The following TTLL8 variants were observed in gnomAD, a reference collection of about 807,000 sequenced individuals.
TTLL8 encodes the protein tubulin tyrosine ligase like 8, also known as protein monoglycylase TTLL8.
In TTLL8, 65 loss-of-function variants were observed where a neutral mutation model predicts 77.8. The observed-to-expected ratio is 0.84, with a 90% CI of 0.68 to 1.03. The LOEUF (loss-of-function observed/expected upper bound fraction) is 1.03, where lower values mean the gene tolerates loss of function less well. Ranked by LOEUF, TTLL8 falls within the 50% of genes least tolerant of loss-of-function variation. The pLI is 0.00. For missense variants in TTLL8, 910 were observed against 1,004.5 expected, an observed-to-expected ratio of 0.91 and a Z score of 1.27; for synonymous variants, 402 against 422.8, an observed-to-expected ratio of 0.95 and a Z score of 0.60.
intron 12 of TTLL8, among the ~76,000 whole-genome samples, chr22:50,025,147 C>G (rs1193006595): frequency 2.0e-5 from 3 of 152,030 alleles, no homozygotes; most frequent in African/African-American, 7.3e-5. Flanking sequence ...GCCTGAGAAG[C>G]TGGACACCCT....
In TTLL8 at chr22:50,034,035, A is replaced by G. The variant is rs1214234601; in HGVS notation, c.1039+310T>C. On this transcript the variant is annotated intron_variant, in intron 9 of 13. Coordinates refer to ENST00000266182, the Ensembl canonical transcript of TTLL8. The surrounding 1 kb of genome is among the most constrained non-coding windows in gnomAD (Gnocchi z 4.1). ...GCAACAAGAGTGAAACTCCGTTTCA[A>G]AAAACTAAAAATAAAATAATAAAAA... Among the ~76,000 whole-genome samples, 1 of 152,260 alleles carries G rather than the reference A, an allele frequency of 6.6e-6. No homozygotes were observed. Among genetic ancestry groups the G allele is most frequent in the African/African-American group, 2.4e-5 (1 of 41,466 alleles).
intron 3 of TTLL8, 191 bp downstream of exon 5, chr22:50,049,058 C>T (rs936981527): frequency 9.1e-6 from 7 of 773,098 alleles, no homozygotes; most frequent in African/African-American, 5.7e-5. Flanking sequence ...CATCCAGCAC[C>T]GAAGGGCTCG....
At chr22:50,052,472 A>T (rs1319701714) in intron 1 of TTLL8, among the ~76,000 whole-genome samples, 1 of 152,210 alleles carries the variant, frequency 6.6e-6, no homozygotes, top group Non-Finnish European at 1.5e-5. Context: ...GGAAAGGAAA[A>T]TTGAACCAAA....
intron 6 of TTLL8, among the ~76,000 whole-genome samples, 199 bp from the exon 9 acceptor site, chr22:50,042,006 C>T (rs137904): frequency 3.3e-5 from 5 of 152,232 alleles, no homozygotes; most frequent in Non-Finnish European, 4.4e-5. Flanking sequence ...CTGGATGTCA[C>T]GCCTGTGTCT....
chr22:50,055,893 G>C (rs1387374130), upstream of TTLL8, among the ~76,000 whole-genome samples: 1 of 152,128 alleles, frequency 6.6e-6, no homozygotes, highest in African/African-American at 2.4e-5. Flanking sequence ...GACCTACAGG[G>C]CTGCATTCCC....
chr22:50,053,858 A>G (rs2061457217), intron 1 of TTLL8, among the ~76,000 whole-genome samples: 1 of 152,094 alleles, frequency 6.6e-6, no homozygotes, highest in Non-Finnish European at 1.5e-5. Context: ...CTGACTGCCC[A>G]TATTTGTACA....
chr22:50,045,057 G>A (rs780294167), intron 6 of TTLL8, 198 bp downstream of exon 8: 242 of 337,550 alleles, frequency 7.2e-4, no homozygotes, highest in Middle Eastern at 1.5e-3. Flanking sequence ...CTTTACAAAC[G>A]GGGTGACTTT....
In TTLL8 at chr22:50,041,946, TC is replaced by T. The variant is rs1381004933; in HGVS notation, c.644-140del. Reference sequence around the variant, plus strand: ...CCCAATACCCAACAAGTATCCCAGATCCCCAGACAGGCACCCCAATACCCAA... The same window carrying T: ...CCCAATACCCAACAAGTATCCCAGATCCCAGACAGGCACCCCAATACCCAA... On this transcript the variant is annotated intron_variant, in intron 6 of 13. Transcript: ENST00000266182. The surrounding 1 kb of genome is among the most constrained non-coding windows in gnomAD (Gnocchi z 4.3). 1.3e-6 allele frequency: 1 copy of T among 755,140 alleles called. No individual in the cohort carries two copies. Among genetic ancestry groups the T allele is most frequent in the Non-Finnish European group, 1.8e-6 (1 of 549,948 alleles). The allele number at this position is 755,140 out of a possible 1,614,324, so 46.8% of individuals were successfully genotyped here.
chr22:50,023,906 G>T (rs1431689597), intron 12 of TTLL8, among the ~76,000 whole-genome samples: 1 of 151,828 alleles, frequency 6.6e-6, no homozygotes, highest in African/African-American at 2.4e-5. Context: ...TGTAATCCCA[G>T]CTACTTGGGA....
intron 12 of TTLL8, among the ~76,000 whole-genome samples, chr22:50,028,649 A>G (rs1248302640): frequency 2.1e-4 from 8 of 38,720 alleles, no homozygotes; most frequent in Non-Finnish European, 3.6e-4. Context: ...TAAAGACCCC[A>G]TCACACCATC....
At chr22:50,037,110 AG>A (rs1395555219) in intron 8 of TTLL8, among the ~76,000 whole-genome samples, 2 of 152,206 alleles carry the variant, frequency 1.3e-5, no homozygotes, top group Admixed American at 1.3e-4. Flanking sequence ...AAACTGTCAA[AG>A]ACTTTTCTAA....
intron 12 of TTLL8, among the ~76,000 whole-genome samples, chr22:50,024,787 C>T (rs1020756519): frequency 6.6e-6 from 1 of 152,180 alleles, no homozygotes; most frequent in African/African-American, 2.4e-5. Flanking sequence ...CACCAGGAGA[C>T]CTGTGGGGCT....
chr22:50,056,684 G>GCC, upstream of TTLL8: 1 of 898,910 alleles, frequency 1.1e-6, no homozygotes, highest in Non-Finnish European at 1.3e-6. The surrounding 1 kb of genome is among the most constrained non-coding windows in gnomAD (Gnocchi z 4.1). Context: ...AGGAGCCAGC[G>GCC]CCCCCCAACA....
chr22:50,041,740 C>T lies in TTLL8; in HGVS notation c.711G>A (p.Val237=), dbSNP rs757464054. 3 of 1,365,934 alleles carry T rather than the reference C, an allele frequency of 2.2e-6. No individual in the cohort carries two copies. Among genetic ancestry groups the T allele is most frequent in the South Asian group, 1.1e-5 (1 of 87,608 alleles). 84.6% of individuals were successfully genotyped at this position (1,365,934 alleles called of 1,614,324 possible). The change falls in exon 7 of 14, where the codon GTG becomes GTA. Residue 237 remains valine (V), a synonymous_variant. Transcript: ENST00000266182. This position sits in a 1 kb window ranked among gnomAD's most constrained non-coding sequence, Gnocchi z 4.3. ...CCAGCTGCCCCAGGTAGGCCTGGCACACCTTGCACGCGATGTCCACAAGCT... is the reference window on the plus strand; with the variant it reads ...CCAGCTGCCCCAGGTAGGCCTGGCATACCTTGCACGCGATGTCCACAAGCT...
chr22:50,034,621 C>T lies in TTLL8; in HGVS notation c.922-159G>A, dbSNP rs1296986742. ...GGGCTGGCCTGGCGGGAAAGGGCTGCGGGTCGGCCCAGGAAGTTCTCCCAA... is the reference window on the plus strand; with the variant it reads ...GGGCTGGCCTGGCGGGAAAGGGCTGTGGGTCGGCCCAGGAAGTTCTCCCAA... On this transcript the variant is annotated intron_variant, in intron 8 of 13. Transcript: ENST00000266182. The surrounding 1 kb of genome is among the most constrained non-coding windows in gnomAD (Gnocchi z 4.1). The T allele has an allele frequency of 9.5e-5, 64 of 675,506 alleles. No homozygotes were observed. Among genetic ancestry groups the T allele is most frequent in the South Asian group, 7.2e-4 (40 of 55,462 alleles). 41.8% of individuals were successfully genotyped at this position (675,506 alleles called of 1,614,324 possible). A position where few individuals can be genotyped will look rare whatever the true frequency, so the allele number is the denominator to read the frequency against.
At chr22:50,047,106 T>G in intron 4 of TTLL8, 62 bp downstream of exon 6, 2 of 1,349,340 alleles carry the variant, frequency 1.5e-6, no homozygotes, top group South Asian at 2.3e-5. Flanking sequence ...CCCTAATGGC[T>G]GCAGAAGCTC....
At chr22:50,045,256 T>C (rs749923404) in exon 6 of TTLL8, 1 of 1,354,332 alleles carries the variant, frequency 7.4e-7, no homozygotes, top group East Asian at 4.6e-5. Flanking sequence ...CCAGCGCACC[T>C]TGCCTGCTGC....
At chr22:50,031,742 T>C (rs1380695788) in exon 11 of TTLL8, 1 of 1,355,034 alleles carries the variant, frequency 7.4e-7, no homozygotes, top group Admixed American at 1.9e-5. Flanking sequence ...ACGGCCACCT[T>C]GATGGTGTCC....
exon 11 of TTLL8, chr22:50,031,849 C>T: frequency 7.3e-7 from 1 of 1,367,244 alleles, no homozygotes; most frequent in African/African-American, 1.5e-5. Context: ...GAAGTCCCTC[C>T]CAAGGACGAA....
Sources: gnomAD v4.1 joint callset for allele counts (sites outside exome capture counted in the v4.1 genomes callset) on GRCh38, gnomAD v4.1.1 for gene constraint, Gnocchi (gnomAD v3.1) non-coding constraint, MANE v1.5 for transcripts, NCBI Gene and HGNC (gene_info 2026-07-23, HGNC 2026-07-21) for gene names.